Variants in NELL2 observed in about 807,000 individuals in gnomAD.
The protein encoded by NELL2 is neural EGFL like 2, also known as protein kinase C-binding protein NELL2.
A neutral mutation model predicts 109.6 loss-of-function variants in NELL2; 41 were observed. The ratio of observed to expected loss-of-function variants is 0.37; its 90% CI spans 0.29 to 0.49. The LOEUF (loss-of-function observed/expected upper bound fraction) is 0.49. Among genes scored for constraint, NELL2 ranks in the 20% least tolerant of loss-of-function variants. The pLI is 0.98. For synonymous variants in NELL2, 355 were observed against 344.7 expected (o/e 1.03, Z -0.33); for missense variants, 900 against 1,008.3 (o/e 0.89, Z 1.45).
chr12:44,754,304 G>C (rs776627819), intron 9 of NELL2, among the ~76,000 whole-genome samples: 2 of 152,104 alleles, frequency 1.3e-5, no homozygotes, highest in Non-Finnish European at 2.9e-5. Context: ...ATAGTCTCTG[G>C]ACCAGTTACT....
chr12:44,656,060 C>T (rs1259396245), intron 13 of NELL2, among the ~76,000 whole-genome samples: 1 of 152,212 alleles, frequency 6.6e-6, no homozygotes, highest in Non-Finnish European at 1.5e-5. Context: ...TGATTGTTGA[C>T]TGTGGCTCTT....
chr12:44,704,318 C>CA (rs201642913), intron 11 of NELL2, among the ~76,000 whole-genome samples: 68 of 131,088 alleles, frequency 5.2e-4, no homozygotes, highest in African/African-American at 1.5e-3. Context: ...GCTTAGCATC[C>CA]AAAAAAAACA....
intron 1 of NELL2, among the ~76,000 whole-genome samples, chr12:44,911,316 G>A (rs1215347758): frequency 6.6e-6 from 1 of 151,800 alleles, no homozygotes; most frequent in Non-Finnish European, 1.5e-5. Flanking sequence ...TCTGAACATT[G>A]ATTAGTCTTA....
intron 9 of NELL2, among the ~76,000 whole-genome samples, chr12:44,744,190 T>C (rs998696223): frequency 1.5e-4 from 23 of 152,174 alleles, no homozygotes; most frequent in Admixed American, 3.9e-4. Flanking sequence ...CAACCTGCTC[T>C]GGAATGACTA....
chr12:44,703,736 G>A lies in NELL2; in HGVS notation c.1308C>T (p.Ala436=), dbSNP rs1350224681. The change falls in exon 12 of 20, where the codon GCC becomes GCT. Residue 436 remains alanine (A), a synonymous_variant. Transcript: ENST00000429094. The stretch of plus-strand genomic sequence containing the variant: ...CATTACAAGGATTACCTTCACAGTA[G>A]GCATTATCCTCTCGAAGAGCCCTAA... ...DGFRALREDN[A]YCEDIDECAE... 8.1e-6 allele frequency: 13 copies of A among 1,613,174 alleles called. No individual in the cohort carries two copies. Among genetic ancestry groups the A allele is most frequent in the African/African-American group, 1.3e-5 (1 of 74,816 alleles).
At chr12:44,907,924 G>A (rs754745213) in intron 1 of NELL2, among the ~76,000 whole-genome samples, 2 of 151,994 alleles carry the variant, frequency 1.3e-5, no homozygotes, top group African/African-American at 4.8e-5. Flanking sequence ...CAAGGCAGAA[G>A]GCAGAGTTTA....
chr12:44,730,497 A>C (rs1939312006), intron 9 of NELL2, among the ~76,000 whole-genome samples: 1 of 152,184 alleles, frequency 6.6e-6, no homozygotes. Context: ...TAGAAAATTC[A>C]CAGATATATG....
chr12:44,648,731 A>ATT (rs71459072), intron 13 of NELL2, among the ~76,000 whole-genome samples: 207 of 89,664 alleles, frequency 2.3e-3, no homozygotes, highest in Middle Eastern at 0.014. Context: ...ATATATATAT[A>ATT]TTTTTTTTTT....
chr12:44,758,330 C>T (rs1050669693), intron 9 of NELL2, among the ~76,000 whole-genome samples: 5 of 152,110 alleles, frequency 3.3e-5, no homozygotes, highest in South Asian at 2.1e-4. Context: ...AGGATGGTTG[C>T]GTTTTCTAAA....
intron 9 of NELL2, among the ~76,000 whole-genome samples, chr12:44,744,924 A>C (rs1940237107): frequency 6.6e-6 from 1 of 152,326 alleles, no homozygotes; most frequent in East Asian, 1.9e-4. Flanking sequence ...ACCAATAGAA[A>C]AAGAGGGAAT....
intron 12 of NELL2, among the ~76,000 whole-genome samples, chr12:44,687,089 G>A (rs1238599025): frequency 3.9e-5 from 6 of 152,182 alleles, no homozygotes; most frequent in South Asian, 2.1e-4. Context: ...CGAGCCAAGT[G>A]GGGGATATAA....
chr12:44,593,273 G>T (rs1334266525), intron 15 of NELL2, among the ~76,000 whole-genome samples: 1 of 152,180 alleles, frequency 6.6e-6, no homozygotes, highest in East Asian at 1.9e-4. Context: ...AGAAAGAAAA[G>T]AGATGATTAC....
intron 9 of NELL2, among the ~76,000 whole-genome samples, chr12:44,753,512 G>T (rs1224576422): frequency 6.6e-6 from 1 of 151,742 alleles, no homozygotes; most frequent in Non-Finnish European, 1.5e-5. Context: ...ATATGGAATG[G>T]GTAAGCTGCA....
intron 12 of NELL2, among the ~76,000 whole-genome samples, chr12:44,682,423 T>A (rs1385231270): frequency 6.6e-6 from 1 of 152,078 alleles, no homozygotes; most frequent in Non-Finnish European, 1.5e-5. Flanking sequence ...TTTAGTTGAA[T>A]TAGATCCCAT....
Position 44,744,723 on chromosome 12 carries a change from G to A in NELL2, c.995-29982C>T, listed in dbSNP as rs183072647. Among the ~76,000 whole-genome samples the A allele has an allele frequency of 1.3e-3, 199 of 152,272 alleles. 2 individuals are homozygous for A. Among genetic ancestry groups the A allele is most frequent in the East Asian group, 3.9e-4 (2 of 5,186 alleles). On this transcript the variant is annotated intron_variant, in intron 9 of 19. Coordinates refer to ENST00000429094, the MANE Select transcript of NELL2 (RefSeq NM_001145108.2). ...TCTAGAAGAAATGGATAAATTCCTC[G>A]ACACATACATCCTCCTAAGACTAAA...
intron 3 of NELL2, among the ~76,000 whole-genome samples, chr12:44,787,948 A>G (rs1187343420): frequency 1.3e-5 from 2 of 152,180 alleles, no homozygotes; most frequent in Non-Finnish European, 2.9e-5. Flanking sequence ...AAAGGTAAAA[A>G]TTGAAAACTG....
intron 13 of NELL2, among the ~76,000 whole-genome samples, chr12:44,662,019 A>G (rs1430231568): frequency 6.6e-6 from 1 of 152,168 alleles, no homozygotes; most frequent in African/African-American, 2.4e-5. Context: ...GAAACGATGT[A>G]AAGAGAGAAA....
In NELL2 at chr12:44,589,384, T is replaced by TTTTATTTA. The variant is rs35746362; in HGVS notation, c.1663+17777_1663+17784dup. ...CTTTTCAAGCACAAAGAGACACTAC[T>TTTTATTTA]TTTATTTATTTATTTATTTATTTAT... is the stretch of plus-strand genomic sequence containing the variant. On this transcript the variant is annotated intron_variant, in intron 15 of 19. Transcript: ENST00000429094. 8.4e-3 allele frequency among the ~76,000 whole-genome samples: 1,252 copies of TTTTATTTA among 149,884 alleles called. 5 individuals carry two copies. The highest frequency in any genetic ancestry group is 0.019 in the South Asian group (88 of 4,682).
At chr12:44,747,722 A>C (rs1225016624) in intron 9 of NELL2, among the ~76,000 whole-genome samples, 1 of 152,088 alleles carries the variant, frequency 6.6e-6, no homozygotes, top group African/African-American at 2.4e-5. Flanking sequence ...GTAATGGATC[A>C]GTTTTATCTA....
Sources: gnomAD v4.1 joint callset for allele counts (sites outside exome capture counted in the v4.1 genomes callset) on GRCh38, gnomAD v4.1.1 for gene constraint, MANE v1.5 for transcripts, NCBI Gene and HGNC (gene_info 2026-07-23, HGNC 2026-07-21) for gene names.